Variants in CSMD1 observed in about 807,000 individuals in gnomAD.
The protein encoded by CSMD1 is CUB and Sushi multiple domains 1.
Under a neutral mutation model 417.5 loss-of-function variants are expected in CSMD1, and 213 were observed. That is an observed-to-expected ratio of 0.51 (90% CI 0.46 to 0.57). CSMD1 has a LOEUF of 0.57. CSMD1 is among the 20% of genes least tolerant of loss of function. The pLI is 0.00. For missense variants in CSMD1, 6,923 were observed against 4,529.7 expected (o/e 1.53, Z -15.17); for synonymous variants, 2,862 against 1,736.8 (o/e 1.65, Z -16.11).
intron 1 of CSMD1, among the ~76,000 whole-genome samples, chr8:4,754,230 A>T (rs546398164): frequency 6.6e-6 from 1 of 152,316 alleles, no homozygotes; most frequent in African/African-American, 2.4e-5. Context: ...GGGATCTGCC[A>T]TTTCCATGTC....
At chr8:4,192,075 A>G (rs751133533) in intron 3 of CSMD1, among the ~76,000 whole-genome samples, 1 of 152,158 alleles carries the variant, frequency 6.6e-6, no homozygotes, top group Non-Finnish European at 1.5e-5. Context: ...TAGCCATTAC[A>G]GACAAACAGA....
intron 26 of CSMD1, among the ~76,000 whole-genome samples, chr8:3,269,133 A>C (rs568245221): frequency 6.6e-6 from 1 of 152,348 alleles, no homozygotes; most frequent in East Asian, 1.9e-4. Context: ...CCAGCATCTT[A>C]CTTTCAATCA....
chr8:4,382,953 T>C (rs904387355), intron 3 of CSMD1, among the ~76,000 whole-genome samples: 1 of 152,188 alleles, frequency 6.6e-6, no homozygotes, highest in Non-Finnish European at 1.5e-5. Flanking sequence ...CTAAGCTGCA[T>C]ATACAGGGGA....
intron 2 of CSMD1, among the ~76,000 whole-genome samples, chr8:4,594,983 A>T (rs763892911): frequency 2.6e-5 from 4 of 152,234 alleles, no homozygotes; most frequent in African/African-American, 9.6e-5. Context: ...CAAAGAAATG[A>T]GATAAAACTA....
At chr8:4,674,592 G>T (rs553731097) in intron 1 of CSMD1, among the ~76,000 whole-genome samples, 2 of 152,272 alleles carry the variant, frequency 1.3e-5, no homozygotes, top group South Asian at 4.1e-4. Flanking sequence ...GGTACTTGAA[G>T]CTTTGGTGCA....
At chr8:4,466,968 G>A (rs145248322) in intron 2 of CSMD1, among the ~76,000 whole-genome samples, 25 of 152,018 alleles carry the variant, frequency 1.6e-4, no homozygotes, top group East Asian at 5.8e-4. Context: ...TCCCTTAGCT[G>A]TAAGGAAATG....
intron 5 of CSMD1, among the ~76,000 whole-genome samples, chr8:3,974,985 G>T (rs1157257991): frequency 1.3e-5 from 2 of 152,042 alleles, no homozygotes; most frequent in Non-Finnish European, 1.5e-5. Context: ...TCCCTATGTG[G>T]AATGCTTGAG....
chr8:3,568,287 T>G lies in CSMD1; in HGVS notation c.1344+6658A>C, dbSNP rs577194060. Among the ~76,000 whole-genome samples the G allele has an allele frequency of 3.3e-4, 51 of 152,312 alleles. 2 individuals carry two copies. The South Asian group carries it at 0.01, about 30-fold the overall frequency. ...TTTACTCATCAGAACACCTGTCAGA[T>G]CCATGTGTGCTGTTGTCAATGGCAG... On this transcript the variant is annotated intron_variant, in intron 10 of 69. Transcript: ENST00000635120.
At chr8:4,643,965 G>C (rs1295158886) in intron 1 of CSMD1, among the ~76,000 whole-genome samples, 1 of 152,154 alleles carries the variant, frequency 6.6e-6, no homozygotes, top group Non-Finnish European at 1.5e-5. Flanking sequence ...CTGGCTCAGC[G>C]CCCTAGGGTA....
intron 3 of CSMD1, among the ~76,000 whole-genome samples, chr8:4,367,915 T>C (rs1041414820): frequency 1.3e-5 from 2 of 152,206 alleles, no homozygotes; most frequent in Non-Finnish European, 2.9e-5. Context: ...TCCTGAAACA[T>C]TACTGAAGTT....
At chr8:4,816,207 CAG>C (rs1213486318) in intron 1 of CSMD1, among the ~76,000 whole-genome samples, 2 of 149,568 alleles carry the variant, frequency 1.3e-5, no homozygotes, top group Non-Finnish European at 3.0e-5. Context: ...TTTTTTGGGA[CAG>C]AGTCTCGCTC....
intron 27 of CSMD1, among the ~76,000 whole-genome samples, chr8:3,226,098 C>T (rs1798486113): frequency 6.6e-6 from 1 of 152,186 alleles, no homozygotes; most frequent in Non-Finnish European, 1.5e-5. Flanking sequence ...TGAATGTTCA[C>T]ACCGTTGGGG....
intron 1 of CSMD1, among the ~76,000 whole-genome samples, chr8:4,763,973 G>C (rs1251625933): frequency 1.3e-5 from 2 of 152,038 alleles, no homozygotes; most frequent in African/African-American, 2.4e-5. Flanking sequence ...CAAAATATCA[G>C]ACCCTGATAG....
At chr8:3,597,088 C>A (rs958208706) in intron 8 of CSMD1, among the ~76,000 whole-genome samples, 1 of 152,172 alleles carries the variant, frequency 6.6e-6, no homozygotes, top group Non-Finnish European at 1.5e-5. Context: ...CACCCAAACG[C>A]TGGCTGCACT....
chr8:4,986,237 G>T (rs895028335), intron 1 of CSMD1, among the ~76,000 whole-genome samples: 2 of 152,248 alleles, frequency 1.3e-5, no homozygotes, highest in African/African-American at 4.8e-5. Flanking sequence ...CGCCAGGAAA[G>T]ATTTTAGGAA....
intron 5 of CSMD1, among the ~76,000 whole-genome samples, chr8:3,934,289 C>T (rs1028386698): frequency 1.3e-5 from 2 of 152,052 alleles, no homozygotes; most frequent in African/African-American, 4.8e-5. Flanking sequence ...TAATCTGAAC[C>T]AAAGTGCCTA....
chr8:3,298,015 G>A (rs75188574), intron 25 of CSMD1, among the ~76,000 whole-genome samples: 5,420 of 152,150 alleles, frequency 0.036, 208 homozygotes, highest in Admixed American at 0.11. Flanking sequence ...TTGATCAGTC[G>A]TCAGGGAAAT....
Position 4,504,032 on chromosome 8 carries a change from T to G in CSMD1, c.303-83967A>C, listed in dbSNP as rs148457510. Among the ~76,000 whole-genome samples, 393 of 151,236 alleles carry G rather than the reference T, an allele frequency of 2.6e-3. 1 individual carries two copies. The highest frequency in any genetic ancestry group is 6.7e-3 in the African/African-American group (278 of 41,250). ...GTCAAAGAGGTTATCTGTGTTCTCA[T>G]GTTCATTGCTGTGTAATTCAAAACA... On this transcript the variant is annotated intron_variant, in intron 2 of 69. Transcript: ENST00000635120.
At chr8:3,525,708 C>G (rs1797725954) in intron 10 of CSMD1, among the ~76,000 whole-genome samples, 1 of 152,144 alleles carries the variant, frequency 6.6e-6, no homozygotes, top group Non-Finnish European at 1.5e-5. Context: ...CTATGAACCA[C>G]TCAGATTTTA....
Sources: gnomAD v4.1 joint callset for allele counts (sites outside exome capture counted in the v4.1 genomes callset) on GRCh38, gnomAD v4.1.1 for gene constraint, MANE v1.5 for transcripts, NCBI Gene and HGNC (gene_info 2026-07-23, HGNC 2026-07-21) for gene names.